IGSF11: variants seen among roughly 807,000 people sequenced by gnomAD.
IGSF11 encodes immunoglobulin superfamily member 11, also known as CXADR like 1.
A neutral mutation model predicts 41.0 loss-of-function variants in IGSF11; 22 were observed. The ratio of observed to expected loss-of-function variants is 0.54; its 90% CI spans 0.38 to 0.77. The LOEUF (loss-of-function observed/expected upper bound fraction) is 0.77. Ranked by LOEUF, IGSF11 falls within the 30% of genes least tolerant of loss-of-function variation. The pLI is 0.00. For missense variants in IGSF11, 444 were observed against 530.8 expected, an observed-to-expected ratio of 0.84 and a Z score of 1.61; for synonymous variants, 219 against 201.3, an observed-to-expected ratio of 1.09 and a Z score of -0.74.
chr3:118,938,791 A>T (rs1576424653), intron 1 of IGSF11, among the ~76,000 whole-genome samples: 1 of 152,342 alleles, frequency 6.6e-6, no homozygotes, highest in East Asian at 1.9e-4. Context: ...AGTTTGGGAA[A>T]GCAGTAGCAT....
chr3:119,062,916 GC>G lies in IGSF11; in HGVS notation c.49+42227del, dbSNP rs531317064. ...TCACCCCACCACATCCTCCACTTTA[GC>G]CTCCACTCCCTTTAACTCCCCTCCC... is the stretch of plus-strand genomic sequence containing the variant. On this transcript the variant is annotated intron_variant, in intron 1 of 6. Transcript: ENST00000354673. 3.3e-3 allele frequency among the ~76,000 whole-genome samples: 508 copies of G among 152,154 alleles called. 1 individual carries two copies. The highest frequency in any genetic ancestry group is 5.4e-3 in the Non-Finnish European group (366 of 68,006).
chr3:119,116,570 T>C (rs757569686), intron 1 of IGSF11, among the ~76,000 whole-genome samples: 2 of 152,170 alleles, frequency 1.3e-5, no homozygotes, highest in African/African-American at 4.8e-5. Context: ...TATTGGGCCA[T>C]GCTAACTTTG....
At chr3:119,000,874 C>T (rs955152378) in intron 1 of IGSF11, among the ~76,000 whole-genome samples, 7 of 152,132 alleles carry the variant, frequency 4.6e-5, no homozygotes, top group Admixed American at 3.3e-4. Flanking sequence ...TCATATCACT[C>T]GGTTGTAATC....
intron 1 of IGSF11, among the ~76,000 whole-genome samples, chr3:119,113,660 G>A (rs2077216044): frequency 6.6e-6 from 1 of 152,206 alleles, no homozygotes; most frequent in Non-Finnish European, 1.5e-5. Context: ...GGCACATGGT[G>A]CAAGCTGTCG....
intron 1 of IGSF11, among the ~76,000 whole-genome samples, chr3:118,975,390 T>C (rs1417902580): frequency 7.1e-6 from 1 of 140,022 alleles, no homozygotes; most frequent in Middle Eastern, 3.8e-3. Context: ...GATGTGCTCA[T>C]AGAAAGTTGT....
chr3:119,046,469 A>C (rs1260710428), intron 1 of IGSF11, among the ~76,000 whole-genome samples: 2 of 152,234 alleles, frequency 1.3e-5, no homozygotes, highest in East Asian at 3.9e-4. Flanking sequence ...AAATGAGCAA[A>C]GCCTCCAAGA....
intron 1 of IGSF11, among the ~76,000 whole-genome samples, chr3:119,122,043 T>C (rs980750420): frequency 3.3e-5 from 5 of 151,922 alleles, no homozygotes; most frequent in Non-Finnish European, 5.9e-5. Flanking sequence ...TGTAGGAACA[T>C]CAAATTTAAC....
chr3:118,905,655 C>T lies in IGSF11; in HGVS notation c.644G>A (p.Cys215Tyr). ...ISALSSGLYQ[C>Y]VASNAIGTST... ...GGTTCCAATAGCATTAGAAGCCACG[C>T]ACTGGTACAAACCTGAAGACAGGGC... Residue 215 changes from cysteine (C) to tyrosine (Y), a missense_variant, in exon 5 of 7, where the codon TGC becomes TAC. By Grantham distance (194) the Cys-to-Tyr change is radical. Transcript: ENST00000393775. The T allele has an allele frequency of 6.2e-7, 1 of 1,613,864 alleles. No individual in the cohort carries two copies. Among genetic ancestry groups the T allele is most frequent in the Non-Finnish European group, 8.5e-7 (1 of 1,179,808 alleles).
At chr3:119,082,884 A>G (rs1353705951) in intron 1 of IGSF11, among the ~76,000 whole-genome samples, 1 of 152,194 alleles carries the variant, frequency 6.6e-6, no homozygotes, top group African/African-American at 2.4e-5. Context: ...TTTCAAATAT[A>G]AAACAAACAA....
At chr3:118,964,575 C>T (rs1325993947) in intron 1 of IGSF11, among the ~76,000 whole-genome samples, 1 of 152,138 alleles carries the variant, frequency 6.6e-6, no homozygotes, top group Admixed American at 6.5e-5. Flanking sequence ...AGACATTTTA[C>T]ACTTTTAACT....
intron 1 of IGSF11, among the ~76,000 whole-genome samples, chr3:119,125,116 G>A (rs564722653): frequency 6.6e-6 from 1 of 152,320 alleles, no homozygotes; most frequent in Non-Finnish European, 1.5e-5. Flanking sequence ...AACAAAAGCT[G>A]AAGGACTTCA....
chr3:118,935,862 T>C (rs1282224285), intron 1 of IGSF11, among the ~76,000 whole-genome samples: 1 of 152,184 alleles, frequency 6.6e-6, no homozygotes, highest in Non-Finnish European at 1.5e-5. Flanking sequence ...ATTTTTTAAA[T>C]TCAAAGTGAT....
At chr3:118,963,736 T>A (rs533853988) in intron 1 of IGSF11, among the ~76,000 whole-genome samples, 1 of 152,320 alleles carries the variant, frequency 6.6e-6, no homozygotes, top group Admixed American at 6.5e-5. Flanking sequence ...ATATTTCTAT[T>A]TATCTATATA....
intron 1 of IGSF11, among the ~76,000 whole-genome samples, chr3:119,136,054 C>T (rs539244194): frequency 1.3e-5 from 2 of 152,006 alleles, no homozygotes; most frequent in Non-Finnish European, 2.9e-5. Context: ...CACACACCAG[C>T]ACCTGTCATG....
chr3:119,021,393 G>A, intron 1 of IGSF11, among the ~76,000 whole-genome samples: 1 of 152,052 alleles, frequency 6.6e-6, no homozygotes. Context: ...ACAACAAAAG[G>A]AGGAAAAAAT....
intron 1 of IGSF11, among the ~76,000 whole-genome samples, chr3:119,087,693 T>C (rs144709146): frequency 0.016 from 2,363 of 152,116 alleles, 72 homozygotes; most frequent in African/African-American, 0.054. Context: ...GGGTGATGGG[T>C]GTACCAAAAT....
chr3:119,029,253 C>CACACAT (rs1334179980), intron 1 of IGSF11, among the ~76,000 whole-genome samples: 1 of 147,512 alleles, frequency 6.8e-6, no homozygotes, highest in Non-Finnish European at 1.5e-5. Flanking sequence ...CACACACACA[C>CACACAT]ACACACACAC....
intron 1 of IGSF11, among the ~76,000 whole-genome samples, chr3:118,930,505 C>CT (rs1428929515): frequency 6.6e-6 from 1 of 152,188 alleles, no homozygotes; most frequent in African/African-American, 2.4e-5. Flanking sequence ...TCTTTACTAT[C>CT]TTTTGGAAGA....
chr3:118,983,275 C>CAGTTTACAAATAT (rs1934926443), intron 1 of IGSF11: 3 of 152,136 alleles, frequency 2.0e-5, no homozygotes, highest in Non-Finnish European at 2.9e-5. Context: ...AATATCATCT[C>CAGTTTACAAATAT]CAGTTTACAA....
Sources: allele counts gnomAD v4.1 joint callset (sites outside exome capture counted in the v4.1 genomes callset), GRCh38; gene constraint gnomAD v4.1.1; transcripts MANE v1.5; gene names NCBI Gene and HGNC (gene_info 2026-07-23, HGNC 2026-07-21).